Variants in BEND5 observed in about 807,000 individuals in gnomAD.
BEND5 encodes the protein BEN domain-containing protein 5.
Under a neutral mutation model 43.9 loss-of-function variants are expected in BEND5, and 22 were observed. The ratio of observed to expected loss-of-function variants is 0.50; its 90% CI spans 0.36 to 0.72. The LOEUF is 0.72. BEND5 is among the 30% of genes least tolerant of loss of function. BEND5 has a pLI of 0.00. For synonymous variants in BEND5, 228 were observed against 225.9 expected (o/e 1.01, Z -0.08); for missense variants, 428 against 550.6 (o/e 0.78, Z 2.23).
chr1:48,746,169 CTATATA>C (rs201496506), intron 3 of BEND5, among the ~76,000 whole-genome samples: 2 of 151,802 alleles, frequency 1.3e-5, no homozygotes, highest in Admixed American at 6.6e-5. Flanking sequence ...AATCAGATAA[CTATATA>C]TATATATTCG....
At chr1:48,743,225 G>T (rs1650205177) in intron 3 of BEND5, among the ~76,000 whole-genome samples, 1 of 152,174 alleles carries the variant, frequency 6.6e-6, no homozygotes, top group South Asian at 2.1e-4. Context: ...AAATGTTAAG[G>T]CCTCCCCCTC....
chr1:48,764,705 T>G (rs1237289432), intron 1 of BEND5, among the ~76,000 whole-genome samples: 1 of 152,232 alleles, frequency 6.6e-6, no homozygotes, highest in Non-Finnish European at 1.5e-5. Flanking sequence ...AGGTGTGAGA[T>G]GTCAGGCAAG....
chr1:48,739,639 T>C (rs942664092), intron 4 of BEND5, among the ~76,000 whole-genome samples: 18 of 152,322 alleles, frequency 1.2e-4, no homozygotes, highest in Admixed American at 1.2e-3. Flanking sequence ...AGCCTTACTT[T>C]TCTCAGCTAT....
At chr1:48,729,652 C>A (rs1255136586) in intron 5 of BEND5, among the ~76,000 whole-genome samples, 2 of 152,104 alleles carry the variant, frequency 1.3e-5, no homozygotes, top group Non-Finnish European at 2.9e-5. Flanking sequence ...CCACTGCTAC[C>A]TGCCCATATG....
At chr1:48,747,458 C>A (rs899038973) in intron 3 of BEND5, among the ~76,000 whole-genome samples, 2 of 152,216 alleles carry the variant, frequency 1.3e-5, no homozygotes, top group African/African-American at 2.4e-5. Context: ...GATCTAGGCT[C>A]TGCAAGAGGC....
At chr1:48,763,887 C>T (rs1557964481) in intron 1 of BEND5, among the ~76,000 whole-genome samples, 1 of 152,164 alleles carries the variant, frequency 6.6e-6, no homozygotes. Flanking sequence ...TGAACAGGGT[C>T]CCCATCCTGG....
intron 3 of BEND5, among the ~76,000 whole-genome samples, chr1:48,747,279 C>T (rs192904395): frequency 6.6e-5 from 10 of 152,150 alleles, no homozygotes; most frequent in Middle Eastern, 3.4e-3. Context: ...CATTTGCATT[C>T]GGATATTGAC....
At chr1:48,762,656 G>A (rs3862264) in intron 1 of BEND5, among the ~76,000 whole-genome samples, 43,818 of 138,482 alleles carry the variant, frequency 0.32, 6,989 homozygotes, top group East Asian at 0.42. Context: ...GTGTGTGTGT[G>A]TGTATGTATT....
At chr1:48,756,000 C>T (rs1232898561) in intron 3 of BEND5, among the ~76,000 whole-genome samples, 1 of 152,130 alleles carries the variant, frequency 6.6e-6, no homozygotes, top group East Asian at 1.9e-4. Context: ...CTGGGGGTGC[C>T]CGAGTTAAAA....
intron 1 of BEND5, among the ~76,000 whole-genome samples, chr1:48,771,272 T>C (rs912407982): frequency 6.6e-6 from 1 of 152,168 alleles, no homozygotes; most frequent in African/African-American, 2.4e-5. Context: ...ACAAAGCAGG[T>C]AGGCACACTA....
chr1:48,771,510 TA>T (rs1220919346), intron 1 of BEND5, among the ~76,000 whole-genome samples: 2 of 152,198 alleles, frequency 1.3e-5, no homozygotes. Context: ...GAAATCACAT[TA>T]GACTGAACCC....
intron 4 of BEND5, among the ~76,000 whole-genome samples, chr1:48,737,771 T>C (rs1649303458): frequency 6.6e-6 from 1 of 152,150 alleles, no homozygotes; most frequent in African/African-American, 2.4e-5. Context: ...TCACAAGTCA[T>C]TTACTAACAT....
At chr1:48,751,850 G>A (rs1171776006) in intron 3 of BEND5, among the ~76,000 whole-genome samples, 3 of 152,180 alleles carry the variant, frequency 2.0e-5, no homozygotes, top group Admixed American at 2.0e-4. Flanking sequence ...GGAGTCTAGG[G>A]AGAAAGGGGA....
chr1:48,731,164 C>T (rs1648067588), intron 5 of BEND5, among the ~76,000 whole-genome samples: 1 of 152,108 alleles, frequency 6.6e-6, no homozygotes, highest in South Asian at 2.1e-4. Context: ...AGACAGCTTG[C>T]ATGGGAAGAA....
At chr1:48,744,211 T>C (rs1650375435) in intron 3 of BEND5, among the ~76,000 whole-genome samples, 1 of 152,246 alleles carries the variant, frequency 6.6e-6, no homozygotes, top group Non-Finnish European at 1.5e-5. Context: ...CTAGGTCTTA[T>C]TCTTTCCTTT....
Position 48,776,667 on chromosome 1 carries a change from C to CG in BEND5, c.164dup (p.Arg56AlafsTer25), listed in dbSNP as rs773017054. On this transcript the variant is annotated frameshift_variant, in exon 1 of 6. Coordinates refer to ENST00000371833, the MANE Select transcript of BEND5 (RefSeq NM_024603.4). LOFTEE classifies it high-confidence loss of function. The stretch of plus-strand genomic sequence containing the variant: ...GCGCGCCCCAGTCGCGGGGGGCGCG[C>CG]GGGGGGCTCTCGGGCCCGGCGCCCA... The CG allele has an allele frequency of 1.1e-5, 17 of 1,497,212 alleles. 1 individual carries two copies. The South Asian group carries it at 1.8e-4, about 16-fold the overall frequency. 92.7% of individuals were successfully genotyped at this position (1,497,212 alleles called of 1,614,324 possible).
intron 5 of BEND5, among the ~76,000 whole-genome samples, chr1:48,731,027 T>G (rs1648040955): frequency 6.6e-6 from 1 of 152,140 alleles, no homozygotes. Flanking sequence ...TATTTTAAAA[T>G]CAAAGAGAAG....
chr1:48,754,428 G>T (rs1000480839), intron 3 of BEND5, among the ~76,000 whole-genome samples: 2 of 152,102 alleles, frequency 1.3e-5, no homozygotes, highest in African/African-American at 4.8e-5. Flanking sequence ...CTGGAACAAA[G>T]GATACCCTCG....
At chr1:48,740,743 C>T (rs993018000) in intron 4 of BEND5, among the ~76,000 whole-genome samples, 23 of 152,106 alleles carry the variant, frequency 1.5e-4, no homozygotes, top group African/African-American at 5.1e-4. Context: ...GGCCTCTGAT[C>T]GTGCAGACAG....
Sources: allele counts gnomAD v4.1 joint callset (sites outside exome capture counted in the v4.1 genomes callset), GRCh38; gene constraint gnomAD v4.1.1; transcripts MANE v1.5; gene names NCBI Gene and HGNC (gene_info 2026-07-23, HGNC 2026-07-21).